TRPC6: variants seen among roughly 807,000 people sequenced by gnomAD.
TRPC6 encodes the protein short transient receptor potential channel 6.
A neutral mutation model predicts 90.7 loss-of-function variants in TRPC6; 55 were observed. The ratio of observed to expected loss-of-function variants is 0.61; its 90% CI spans 0.49 to 0.76. TRPC6 has a LOEUF of 0.76. TRPC6 is among the 30% of genes least tolerant of loss of function. The pLI is 0.00. For synonymous variants in TRPC6, 393 were observed against 393.0 expected, an observed-to-expected ratio of 1.00 and a Z score of 0.00; for missense variants, 989 against 1,122.7, an observed-to-expected ratio of 0.88 and a Z score of 1.70.
intron 1 of TRPC6, among the ~76,000 whole-genome samples, chr11:101,515,793 A>G (rs1860503663): frequency 6.6e-6 from 1 of 152,184 alleles, no homozygotes; most frequent in African/African-American, 2.4e-5. Context: ...GTAAATTATA[A>G]GTTTACTATA....
intron 1 of TRPC6, among the ~76,000 whole-genome samples, chr11:101,572,940 T>C (rs1019582179): frequency 6.6e-5 from 10 of 151,980 alleles, no homozygotes; most frequent in African/African-American, 1.9e-4. Context: ...CAAACCACCA[T>C]GGCATGTGTA....
intron 1 of TRPC6, among the ~76,000 whole-genome samples, chr11:101,547,963 A>G (rs1321147771): frequency 6.6e-6 from 1 of 152,120 alleles, no homozygotes; most frequent in East Asian, 1.9e-4. Context: ...ATATGCTGCA[A>G]ATATATTCAC....
chr11:101,517,514 C>T (rs1381274754), intron 1 of TRPC6, among the ~76,000 whole-genome samples: 3 of 152,164 alleles, frequency 2.0e-5, no homozygotes, highest in Non-Finnish European at 4.4e-5. Flanking sequence ...TTCTTTATTA[C>T]TGCCATTAGT....
chr11:101,482,646 G>T (rs11826165), intron 5 of TRPC6, among the ~76,000 whole-genome samples: 54,367 of 151,958 alleles, frequency 0.36, 11,220 homozygotes, highest in African/African-American at 0.56. Context: ...ATCATAGCTC[G>T]CTCTCAAAAT....
chr11:101,486,351 G>A (rs1002365820), intron 4 of TRPC6, among the ~76,000 whole-genome samples: 3 of 152,056 alleles, frequency 2.0e-5, no homozygotes, highest in Admixed American at 6.6e-5. Context: ...AGGAGAGCTA[G>A]ATGAAGAAAT....
At chr11:101,501,303 T>G (rs750427767) in intron 2 of TRPC6, among the ~76,000 whole-genome samples, 1 of 152,058 alleles carries the variant, frequency 6.6e-6, no homozygotes, top group Non-Finnish European at 1.5e-5. Context: ...GCTAGCATGT[T>G]GGTAGTGTAT....
intron 1 of TRPC6, among the ~76,000 whole-genome samples, chr11:101,516,397 T>C (rs960235868): frequency 6.6e-6 from 1 of 152,156 alleles, no homozygotes; most frequent in Non-Finnish European, 1.5e-5. Flanking sequence ...CATCCCCACT[T>C]AAGAATGTGA....
intron 10 of TRPC6, among the ~76,000 whole-genome samples, chr11:101,458,699 G>C (rs948427110): frequency 2.0e-5 from 3 of 152,146 alleles, no homozygotes; most frequent in African/African-American, 7.2e-5. Flanking sequence ...TAAAGGATAC[G>C]GTCAGAGATA....
chr11:101,460,618 C>T (rs1858982972), intron 10 of TRPC6, among the ~76,000 whole-genome samples: 1 of 152,016 alleles, frequency 6.6e-6, no homozygotes, highest in African/African-American at 2.4e-5. Flanking sequence ...TCATATCACA[C>T]ATTTTGTAGA....
intron 10 of TRPC6, among the ~76,000 whole-genome samples, chr11:101,463,195 G>C (rs963912831): frequency 6.6e-6 from 1 of 152,264 alleles, no homozygotes; most frequent in South Asian, 2.1e-4. Context: ...TTGATGTGCT[G>C]CTGGATTCGG....
intron 1 of TRPC6, among the ~76,000 whole-genome samples, chr11:101,564,317 C>T (rs1861781962): frequency 6.6e-6 from 1 of 152,120 alleles, no homozygotes; most frequent in Admixed American, 6.6e-5. Flanking sequence ...ATATAACAAT[C>T]ATATACATAG....
chr11:101,565,141 T>C (rs1233320691), intron 1 of TRPC6, among the ~76,000 whole-genome samples: 1 of 152,082 alleles, frequency 6.6e-6, no homozygotes, highest in Non-Finnish European at 1.5e-5. Flanking sequence ...TTGACATTTG[T>C]CTTGACAATA....
intron 1 of TRPC6, among the ~76,000 whole-genome samples, chr11:101,555,781 T>C (rs1861549244): frequency 6.6e-6 from 1 of 152,174 alleles, no homozygotes; most frequent in African/African-American, 2.4e-5. Context: ...GAGAATTTTA[T>C]ATAAATAAAA....
Position 101,583,531 on chromosome 11 carries a change from C to T in TRPC6, c.-28G>A, listed in dbSNP as rs1160817034. ...CGGGAACGCCCGACTGGCCTGGGCC[C>T]CGCTCCCGGGGGAGCCGAGTGGGCA... On this transcript the variant is annotated 5_prime_UTR_variant, in exon 1 of 13. Transcript: ENST00000344327. The T allele has an allele frequency of 1.1e-5, 15 of 1,427,952 alleles. No individual in the cohort carries two copies. The highest frequency in any genetic ancestry group is 1.4e-5 in the Non-Finnish European group (15 of 1,096,094). 88.5% of individuals were successfully genotyped at this position (1,427,952 alleles called of 1,614,324 possible). A position where few individuals can be genotyped will look rare whatever the true frequency, so the allele number is the denominator to read the frequency against.
chr11:101,545,985 G>C (rs61916054), intron 1 of TRPC6, among the ~76,000 whole-genome samples: 3 of 149,028 alleles, frequency 2.0e-5, no homozygotes, highest in African/African-American at 4.9e-5. Flanking sequence ...GAAGAAGAGA[G>C]AGTGAAGATA....
intron 1 of TRPC6, among the ~76,000 whole-genome samples, chr11:101,524,349 C>T (rs1327371364): frequency 3.3e-5 from 5 of 152,222 alleles, no homozygotes; most frequent in East Asian, 1.9e-4. Flanking sequence ...CCCAGGTTCA[C>T]GCCATTCTAC....
chr11:101,492,005 T>C (rs899155423), intron 2 of TRPC6, among the ~76,000 whole-genome samples: 10 of 151,722 alleles, frequency 6.6e-5, no homozygotes, highest in Non-Finnish European at 1.2e-4. Context: ...CACGCCCGGC[T>C]AATTTTTGTA....
chr11:101,471,182 C>T lies in TRPC6; in HGVS notation c.2409+1G>A. ...AATGATAACTTATCAAGCTAAGTTA[C>T]CTTGTTCATCTCTGCATCTTCCTGG... is the stretch of plus-strand genomic sequence containing the variant. On this transcript the variant is annotated splice_donor_variant, in intron 9 of 12. Transcript: ENST00000344327. LOFTEE classifies it high-confidence loss of function. The T allele has an allele frequency of 4.3e-6, 7 of 1,613,628 alleles. No individual in the cohort carries two copies. Among genetic ancestry groups the T allele is most frequent in the Non-Finnish European group, 5.9e-6 (7 of 1,179,684 alleles).
chr11:101,494,137 T>C (rs1859889984), intron 2 of TRPC6, among the ~76,000 whole-genome samples: 2 of 152,288 alleles, frequency 1.3e-5, no homozygotes, highest in African/African-American at 4.8e-5. Flanking sequence ...GTTAGGGCCA[T>C]GCGGACGAAC....
Sources: gnomAD v4.1 joint callset for allele counts (sites outside exome capture counted in the v4.1 genomes callset) on GRCh38, gnomAD v4.1.1 for gene constraint, MANE v1.5 for transcripts, NCBI Gene and HGNC (gene_info 2026-07-23, HGNC 2026-07-21) for gene names.